Variants in RGS9 observed in about 807,000 individuals in gnomAD.
The protein encoded by RGS9 is regulator of G protein signaling 9, also known as regulator of G-protein signalling 9.
In RGS9, 78 loss-of-function variants were observed where a neutral mutation model predicts 102.0. The observed-to-expected ratio is 0.76, with a 90% CI of 0.64 to 0.92. RGS9 has a LOEUF of 0.92. Among genes scored for constraint, RGS9 ranks in the 40% least tolerant of loss-of-function variants. RGS9 has a pLI of 0.00. For synonymous variants in RGS9, 353 were observed against 318.6 expected, an observed-to-expected ratio of 1.11 and a Z score of -1.15; for missense variants, 833 against 866.1, an observed-to-expected ratio of 0.96 and a Z score of 0.48.
chr17:65,169,936 C>T (rs9914505), intron 8 of RGS9, among the ~76,000 whole-genome samples: 15,526 of 152,096 alleles, frequency 0.1, 878 homozygotes, highest in Middle Eastern at 0.16. Flanking sequence ...TCTCCACCAC[C>T]TCCACCACCC....
At position 65,227,281 on chromosome 17, in the gene RGS9, C is replaced by T; in HGVS notation, c.1899C>T (p.Phe633=). Residue 633 remains phenylalanine, a synonymous_variant, in exon 19 of 19, where the codon TTC becomes TTT. Coordinates refer to ENST00000262406, the MANE Select transcript of RGS9 (RefSeq NM_003835.4). The part of the protein sequence containing the change: ...RLKSKRVANF[F]QIKMDVPTGS... The stretch of plus-strand genomic sequence containing the variant: ...TTTCCTCTTGCACCTGAAGCTTTTT[C>T]CAGATCAAAATGGATGTGCCCACGG... 1 of 1,614,118 alleles carries T rather than the reference C, an allele frequency of 6.2e-7. No individual in the cohort carries two copies. The highest frequency in any genetic ancestry group is 8.5e-7 in the Non-Finnish European group (1 of 1,180,012).
At chr17:65,210,413 C>A in intron 16 of RGS9, 75 bp from the exon 17 acceptor site, 2 of 1,531,112 alleles carry the variant, frequency 1.3e-6, no homozygotes, top group South Asian at 1.1e-5. Flanking sequence ...CCCCAGCTCC[C>A]ATCAAGTGTG....
chr17:65,179,579 G>T (rs947753843), intron 9 of RGS9, among the ~76,000 whole-genome samples: 2 of 123,224 alleles, frequency 1.6e-5, no homozygotes, highest in Non-Finnish European at 3.2e-5. Flanking sequence ...ATTCTGAGAT[G>T]GGGGGGTGGG....
At chr17:65,141,231 GCA>G in intron 1 of RGS9, among the ~76,000 whole-genome samples, 1 of 152,320 alleles carries the variant, frequency 6.6e-6, no homozygotes, top group African/African-American at 2.4e-5. Flanking sequence ...TTAGCTGATG[GCA>G]CACAGTGGAC....
intron 1 of RGS9, among the ~76,000 whole-genome samples, chr17:65,146,761 G>A (rs187853739): frequency 1.3e-4 from 20 of 152,032 alleles, no homozygotes; most frequent in Non-Finnish European, 1.9e-4. Context: ...GTAGTGGCGC[G>A]CGCCTGTAGT....
At chr17:65,163,476 A>T (rs573108206) in intron 7 of RGS9, among the ~76,000 whole-genome samples, 133 of 152,152 alleles carry the variant, frequency 8.7e-4, no homozygotes, top group African/African-American at 3.0e-3. Flanking sequence ...ACAGGCGTGA[A>T]CCACTGCGCC....
At chr17:65,211,862 A>T (rs115130705) in intron 17 of RGS9, among the ~76,000 whole-genome samples, 2,012 of 152,358 alleles carry the variant, frequency 0.013, 44 homozygotes, top group African/African-American at 0.046. Flanking sequence ...ACTATCAGGT[A>T]GCTATTGCTG....
chr17:65,175,463 A>T lies in RGS9; in HGVS notation c.583-2269A>T, dbSNP rs576238388. On this transcript the variant is annotated intron_variant, in intron 8 of 18. Transcript: ENST00000262406. Reference sequence around the variant, plus strand: ...GATCCCATGGTGTTATCCCTTCAAGACACCTGTCTCAACTCTAATTTATCC... The same window carrying T: ...GATCCCATGGTGTTATCCCTTCAAGTCACCTGTCTCAACTCTAATTTATCC... Among the ~76,000 whole-genome samples, 463 of 152,152 alleles carry T rather than the reference A, an allele frequency of 3.0e-3. 3 individuals are homozygous for T. The highest frequency in any genetic ancestry group is 1.9e-3 in the Non-Finnish European group (132 of 67,996).
At chr17:65,162,225 T>A (rs1911013127) in intron 6 of RGS9, among the ~76,000 whole-genome samples, 3 of 151,756 alleles carry the variant, frequency 2.0e-5, no homozygotes, top group Non-Finnish European at 4.4e-5. Context: ...ACCCTATCTC[T>A]ACAAAAGATT....
intron 9 of RGS9, among the ~76,000 whole-genome samples, chr17:65,187,148 G>C (rs1440819321): frequency 6.6e-6 from 1 of 152,102 alleles, no homozygotes; most frequent in East Asian, 1.9e-4. Context: ...CTTAGAAAAT[G>C]TCCCCATTCT....
chr17:65,143,936 GAAA>G (rs35132424), intron 1 of RGS9, among the ~76,000 whole-genome samples: 1 of 138,254 alleles, frequency 7.2e-6, no homozygotes. Flanking sequence ...ACTCCAGCCT[GAAA>G]AAAAAAAAAA....
intron 17 of RGS9, among the ~76,000 whole-genome samples, chr17:65,213,071 C>T (rs2144114098): frequency 6.6e-6 from 1 of 152,316 alleles, no homozygotes; most frequent in East Asian, 1.9e-4. Flanking sequence ...GGACAAGTCA[C>T]TTAACCTCTC....
chr17:65,154,588 C>G (rs1910700747), intron 2 of RGS9, among the ~76,000 whole-genome samples: 1 of 152,170 alleles, frequency 6.6e-6, no homozygotes, highest in African/African-American at 2.4e-5. Context: ...CCTTCTAATT[C>G]ATTTCAGGCC....
rs544504106 is a variant in RGS9 at position 65,158,324 on chromosome 17, C to A, written c.184C>A (p.Arg62=). 6 of 1,614,152 alleles carry A rather than the reference C, an allele frequency of 3.7e-6. No homozygotes were observed. The highest frequency in any genetic ancestry group is 2.2e-5 in the East Asian group (1 of 44,880). Residue 62 remains arginine, a synonymous_variant, in exon 3 of 19, where the codon CGG becomes AGG. Coordinates refer to ENST00000262406, the MANE Select transcript of RGS9 (RefSeq NM_003835.4). ...GSDVLQWIVQ[R]LWISSLEAQN... is the part of the protein sequence containing the mutation. Reference sequence around the variant, plus strand: ...TGATGTTCTGCAATGGATCGTCCAGCGGCTTTGGATCTCCAGTCTGGGTGA... The same window carrying A: ...TGATGTTCTGCAATGGATCGTCCAGAGGCTTTGGATCTCCAGTCTGGGTGA...
At chr17:65,220,019 C>T (rs1913649856) in intron 17 of RGS9, among the ~76,000 whole-genome samples, 1 of 151,570 alleles carries the variant, frequency 6.6e-6, no homozygotes, top group East Asian at 1.9e-4. Flanking sequence ...ATCAACATCA[C>T]CACCACTACC....
chr17:65,218,439 G>T (rs551310258), intron 17 of RGS9, among the ~76,000 whole-genome samples: 1 of 152,348 alleles, frequency 6.6e-6, no homozygotes, highest in South Asian at 2.1e-4. Flanking sequence ...AATCCTTGAA[G>T]CTAGATGGTA....
intron 17 of RGS9, among the ~76,000 whole-genome samples, chr17:65,222,162 CAGCAGCTGGG>C (rs1467056888): frequency 6.6e-6 from 1 of 152,232 alleles, no homozygotes; most frequent in African/African-American, 2.4e-5. Context: ...GAGCTGCTCT[CAGCAGCTGGG>C]GGCCACCTGC....
rs533892242 is a variant in RGS9 at position 65,224,009 on chromosome 17, A to T, written c.1408-993A>T. Among the ~76,000 whole-genome samples, 503 of 151,828 alleles carry T rather than the reference A, an allele frequency of 3.3e-3. 2 individuals carry two copies. The highest frequency in any genetic ancestry group is 4.3e-3 in the Non-Finnish European group (292 of 67,908). On this transcript the variant is annotated intron_variant, in intron 17 of 18. Coordinates refer to ENST00000262406, the MANE Select transcript of RGS9 (RefSeq NM_003835.4). Reference sequence around the variant, plus strand: ...TGACCTCAGGTTATCCACCCGCCTCAGCTTCCCAAAGTGCTGGGATTACAG... The same window carrying T: ...TGACCTCAGGTTATCCACCCGCCTCTGCTTCCCAAAGTGCTGGGATTACAG...
chr17:65,139,608 C>T (rs542665492), intron 1 of RGS9, among the ~76,000 whole-genome samples: 1 of 152,202 alleles, frequency 6.6e-6, no homozygotes, highest in African/African-American at 2.4e-5. Flanking sequence ...CTTTCTCCCC[C>T]TCTCGCTTGC....
Sources: allele counts gnomAD v4.1 joint callset (sites outside exome capture counted in the v4.1 genomes callset), GRCh38; gene constraint gnomAD v4.1.1; transcripts MANE v1.5; gene names NCBI Gene and HGNC (gene_info 2026-07-23, HGNC 2026-07-21).